The following NUTM2F variants were observed in gnomAD, a reference collection of about 807,000 sequenced individuals.
The protein encoded by NUTM2F is NUT family member 2F.
A neutral mutation model predicts 43.3 loss-of-function variants in NUTM2F; 22 were observed. The observed-to-expected ratio is 0.51, with a 90% CI of 0.36 to 0.73. NUTM2F has a LOEUF of 0.73. Ranked by LOEUF, NUTM2F falls within the 30% of genes least tolerant of loss-of-function variation. The pLI, the probability that NUTM2F is intolerant of heterozygous loss-of-function variation, is 0.00. For synonymous variants in NUTM2F, 202 were observed against 389.0 expected (o/e 0.52, Z 5.66); for missense variants, 488 against 927.4 (o/e 0.53, Z 6.15).
chr9:94,320,119 G>A lies in NUTM2F; in HGVS notation c.1368+89C>T. The A allele has an allele frequency of 6.3e-6, 7 of 1,103,762 alleles. No homozygotes were observed. The highest frequency in any genetic ancestry group is 6.6e-6 in the Non-Finnish European group (5 of 753,328). The allele number at this position is 1,103,762 out of a possible 1,614,324, so 68.4% of individuals were successfully genotyped here. A position where few individuals can be genotyped will look rare whatever the true frequency, so the allele number is the denominator to read the frequency against. On this transcript the variant is annotated intron_variant, in intron 5 of 6. Transcript: ENST00000253262. The surrounding 1 kb of genome is among the most constrained non-coding windows in gnomAD (Gnocchi z 4.5). The stretch of plus-strand genomic sequence containing the variant: ...AATCCATGGAAATACACATACTACT[G>A]AGTAGCTAAGGAACAGAGCTTAATT...
Position 94,320,608 on chromosome 9 carries a change from G to A in NUTM2F, c.983-15C>T. 2 of 1,593,712 alleles carry A rather than the reference G, an allele frequency of 1.3e-6. No homozygotes were observed. Among genetic ancestry groups the A allele is most frequent in the Admixed American group, 1.7e-5 (1 of 58,124 alleles). ...GGGAAGGTACACTGAGGCAGAGAGG[G>A]AGGAGGATGGGTGTGGTGAGGGCCG... is the stretch of plus-strand genomic sequence containing the variant. On this transcript the variant is annotated splice_polypyrimidine_tract_variant and intron_variant, in intron 4 of 6. Transcript: ENST00000253262. This position sits in a 1 kb window ranked among gnomAD's most constrained non-coding sequence, Gnocchi z 4.5.
intron 3 of NUTM2F, among the ~76,000 whole-genome samples, chr9:94,321,894 C>T (rs1423953349): frequency 6.6e-6 from 1 of 151,552 alleles, no homozygotes; most frequent in Non-Finnish European, 1.5e-5. Flanking sequence ...CCCCTTCTCC[C>T]CATCCCCACA....
chr9:94,319,999 C>T (rs1027713737), intron 5 of NUTM2F, among the ~76,000 whole-genome samples: 2 of 152,206 alleles, frequency 1.3e-5, no homozygotes, highest in African/African-American at 4.8e-5. Context: ...ACTCCACACT[C>T]ACACCCACAC....
chr9:94,319,765 G>A (rs763075599), intron 5 of NUTM2F, 36 bp from the exon 6 acceptor site: 10 of 1,598,492 alleles, frequency 6.3e-6, no homozygotes, highest in Non-Finnish European at 7.7e-6. Context: ...AACTTCCTGG[G>A]GAGGGAGTAA....
At chr9:94,328,133 A>G (rs1587705163) in intron 1 of NUTM2F, among the ~76,000 whole-genome samples, 1 of 151,584 alleles carries the variant, frequency 6.6e-6, no homozygotes, top group East Asian at 2.0e-4. Context: ...AACCCACCCA[A>G]CAGTTTTCTG....
At chr9:94,325,119 A>G in intron 2 of NUTM2F, 119 bp downstream of exon 2, 1 of 923,552 alleles carries the variant, frequency 1.1e-6, no homozygotes, top group East Asian at 2.5e-5. Flanking sequence ...CCCATAGCAC[A>G]ACCCATCACC....
Position 94,325,806 on chromosome 9 carries a change from G to T in NUTM2F, c.145C>A (p.Pro49Thr). The change falls in exon 2 of 7, where the codon CCT (proline) becomes ACT (threonine). Residue 49 changes from proline to threonine, a missense_variant. By Grantham distance (38) the Pro-to-Thr change is conservative. Transcript: ENST00000253262. ...GAGAGCACCAGAGGGCCGGCTGGAG[G>T]AACCACTGCAGTCACGAGGGGCGGC... ...HRPPLVTAVV[P>T]PAGPLVLSAF... is the part of the protein sequence containing the mutation. The T allele has an allele frequency of 1.9e-6, 3 of 1,612,164 alleles. No homozygotes were observed. Among genetic ancestry groups the T allele is most frequent in the Non-Finnish European group, 2.5e-6 (3 of 1,179,856 alleles).
intron 2 of NUTM2F, among the ~76,000 whole-genome samples, chr9:94,322,781 C>T (rs1007078251): frequency 6.6e-6 from 1 of 151,980 alleles, no homozygotes. Context: ...CAGCTCTCTC[C>T]AGCCAGGAAG....
chr9:94,321,145 C>T lies in NUTM2F; in HGVS notation c.930G>A (p.Pro310=), dbSNP rs755271909. ...KGPQSLPPPA[P]PRLEPRGPPA... ...GGGGTCCTCGAGGTTCAAGCCTCGG[C>T]GGGGCTGGAGGAGGCAGGCTCTGGG... is the stretch of plus-strand genomic sequence containing the variant. Residue 310 remains proline (P), a synonymous_variant, in exon 4 of 7, where the codon CCG becomes CCA. Coordinates refer to ENST00000253262, the MANE Select transcript of NUTM2F (RefSeq NM_017561.2). 6.5e-5 allele frequency: 100 copies of T among 1,549,008 alleles called. No homozygotes were observed. The highest frequency in any genetic ancestry group is 5.0e-4 in the African/African-American group (37 of 73,660).
intron 2 of NUTM2F, among the ~76,000 whole-genome samples, chr9:94,323,525 G>A (rs1361470050): frequency 1.3e-5 from 2 of 152,138 alleles, no homozygotes; most frequent in African/African-American, 2.4e-5. Flanking sequence ...TGCTGGGCTC[G>A]TGGTGCACTC....
At chr9:94,327,354 G>A (rs1394566083) in intron 1 of NUTM2F, among the ~76,000 whole-genome samples, 1 of 151,096 alleles carries the variant, frequency 6.6e-6, no homozygotes, top group Admixed American at 6.6e-5. Flanking sequence ...CACATGCCTT[G>A]GTCTCCCAAA....
At chr9:94,328,509 A>G (rs1831477490) in intron 1 of NUTM2F, 99 bp downstream of exon 1, 2 of 1,578,650 alleles carry the variant, frequency 1.3e-6, no homozygotes. Context: ...CTCCCTCAAC[A>G]TCAGCCCTAT....
chr9:94,320,297 G>A lies in NUTM2F; in HGVS notation c.1279C>T (p.Gln427Ter). ...GTTATCCCGTCCTCTTCCTGCGGCT[G>A]CTCCACTTTGCCCTTTTCCCGTTGT... ...EGQREKGKVEQPQEEDGITSD... is the reference protein window; with the variant it reads ...EGQREKGKVE Residue 427 changes from glutamine (Q) to a stop codon, truncating the protein, a stop_gained, in exon 5 of 7, where the codon CAG becomes TAG. Coordinates refer to ENST00000253262, the MANE Select transcript of NUTM2F (RefSeq NM_017561.2). LOFTEE classifies it high-confidence loss of function. This position sits in a 1 kb window ranked among gnomAD's most constrained non-coding sequence, Gnocchi z 4.5. The A allele has an allele frequency of 6.2e-7, 1 of 1,613,964 alleles. No individual in the cohort carries two copies. The highest frequency in any genetic ancestry group is 8.5e-7 in the Non-Finnish European group (1 of 1,179,862).
Position 94,320,455 on chromosome 9 carries a change from G to A in NUTM2F, c.1121C>T (p.Pro374Leu). Residue 374 changes from proline (P) to leucine (L), a missense_variant, in exon 5 of 7, where the codon CCA becomes CTA. Transcript: ENST00000253262. The surrounding 1 kb of genome is among the most constrained non-coding windows in gnomAD (Gnocchi z 4.5). ...CGCTGGCCTCTGGGGCCTGGGTGGT[G>A]GCAGGTGGGCGTTGGTCTCCGCTGG... ...QRPAETNAHL[P>L]PPRPQRPAET... is the part of the protein sequence containing the mutation. The A allele has an allele frequency of 6.2e-7, 1 of 1,609,090 alleles. No individual in the cohort carries two copies. Among genetic ancestry groups the A allele is most frequent in the Non-Finnish European group, 8.5e-7 (1 of 1,177,352 alleles).
At position 94,320,046 on chromosome 9, in the gene NUTM2F, A is replaced by G. The variant is rs1831336496; in HGVS notation, c.1368+162T>C. On this transcript the variant is annotated intron_variant, in intron 5 of 6. Transcript: ENST00000253262. The surrounding 1 kb of genome is among the most constrained non-coding windows in gnomAD (Gnocchi z 4.5). ...GACACAGTAACAAATCACAGACACA[A>G]ACACACAGCAACACACAGACACACA... Among the ~76,000 whole-genome samples the G allele has an allele frequency of 6.6e-6, 1 of 152,098 alleles. No homozygotes were observed. The highest frequency in any genetic ancestry group is 1.5e-5 in the Non-Finnish European group (1 of 67,996).
At position 94,325,756 on chromosome 9, in the gene NUTM2F, C is replaced by T. The variant is rs777176177; in HGVS notation, c.195G>A (p.Val65=). Residue 65 remains valine (V), a synonymous_variant, in exon 2 of 7, where the codon GTG becomes GTA. Coordinates refer to ENST00000253262, the MANE Select transcript of NUTM2F (RefSeq NM_017561.2). ...VLSAFPSTPL[V]AGQDGRGPSG... ...TCGGGCCGCGGCCATCCTGTCCTGCCACTAGAGGGGTGCTGGGGAAGGCAG... is the reference window on the plus strand; with the variant it reads ...TCGGGCCGCGGCCATCCTGTCCTGCTACTAGAGGGGTGCTGGGGAAGGCAG... 1.6e-5 allele frequency: 25 copies of T among 1,612,072 alleles called. No homozygotes were observed. In the South Asian group the frequency reaches 2.7e-4, roughly 18 times the overall value.
chr9:94,321,774 G>A (rs2118727159), intron 3 of NUTM2F, among the ~76,000 whole-genome samples: 1 of 149,052 alleles, frequency 6.7e-6, no homozygotes, highest in South Asian at 2.2e-4. Context: ...GGTGTCCCAG[G>A]TACAGGTCTC....
At chr9:94,324,662 CAAA>C (rs539317022) in intron 2 of NUTM2F, among the ~76,000 whole-genome samples, 4 of 60,330 alleles carry the variant, frequency 6.6e-5, no homozygotes, top group Non-Finnish European at 7.1e-5. Context: ...GACTCCATCT[CAAA>C]AAAAAAAAAA....
At position 94,319,679 on chromosome 9, in the gene NUTM2F, A is replaced by G. The variant is rs765450763; in HGVS notation, c.1419T>C (p.Asp473=). ...PRFLEELLSP[D]PQMDFLALSQ... is the part of the protein sequence containing the mutation. ...TTAGGGCCAAGAAATCCATCTGTGG[A>G]TCTGGGGAAAGCAATTCTTCCAGGA... The change falls in exon 6 of 7, where the codon GAT becomes GAC. Residue 473 remains aspartate, a synonymous_variant. Transcript: ENST00000253262. 7 of 1,611,816 alleles carry G rather than the reference A, an allele frequency of 4.3e-6. No homozygotes were observed. The Admixed American group carries it at 1.2e-4, about 27-fold the overall frequency.
Sources: gnomAD v4.1 joint callset for allele counts (sites outside exome capture counted in the v4.1 genomes callset) on GRCh38, gnomAD v4.1.1 for gene constraint, Gnocchi (gnomAD v3.1) non-coding constraint, MANE v1.5 for transcripts, NCBI Gene and HGNC (gene_info 2026-07-23, HGNC 2026-07-21) for gene names.